CENPP: variants seen among roughly 807,000 people sequenced by gnomAD.
CENPP encodes centromere protein P.
A neutral mutation model predicts 35.6 loss-of-function variants in CENPP; 24 were observed. The observed-to-expected ratio is 0.67, with a 90% CI of 0.49 to 0.95. CENPP has a LOEUF of 0.95. CENPP is among the 40% of genes least tolerant of loss of function. CENPP has a pLI of 0.00. For missense variants in CENPP, 332 were observed against 345.3 expected (o/e 0.96, Z 0.31); for synonymous variants, 120 against 125.5 (o/e 0.96, Z 0.29).
At chr9:92,518,176 C>G (rs1195736413) in intron 5 of CENPP, among the ~76,000 whole-genome samples, 2 of 152,180 alleles carry the variant, frequency 1.3e-5, no homozygotes, top group African/African-American at 4.8e-5. Flanking sequence ...CATCAACAAA[C>G]AATCCCCAAA....
intron 5 of CENPP, among the ~76,000 whole-genome samples, chr9:92,451,712 G>A (rs1353319709): frequency 6.7e-6 from 1 of 149,630 alleles, no homozygotes; most frequent in Non-Finnish European, 1.5e-5. Context: ...TCACGATATT[G>A]ATTCTTCCTA....
At chr9:92,471,562 A>G (rs979074827) in intron 5 of CENPP, among the ~76,000 whole-genome samples, 11 of 152,042 alleles carry the variant, frequency 7.2e-5, no homozygotes, top group African/African-American at 2.7e-4. Flanking sequence ...GATTTTTTTC[A>G]TGTATATTAC....
intron 3 of CENPP, among the ~76,000 whole-genome samples, chr9:92,343,430 G>T (rs1841182077): frequency 6.6e-6 from 1 of 152,220 alleles, no homozygotes; most frequent in Admixed American, 6.5e-5. Context: ...TAGTCAATTA[G>T]ATTGGTAGGA....
At chr9:92,395,686 C>G (rs1199402960) in intron 5 of CENPP, among the ~76,000 whole-genome samples, 3 of 152,112 alleles carry the variant, frequency 2.0e-5, no homozygotes, top group Admixed American at 2.0e-4. Context: ...TATGGTCAGT[C>G]TTTTTAATTT....
chr9:92,404,624 G>A, intron 5 of CENPP: 1 of 1,281,642 alleles, frequency 7.8e-7, no homozygotes, highest in Non-Finnish European at 1.0e-6. Flanking sequence ...AAAATTTCAG[G>A]GCCCAGCAGC....
chr9:92,618,717 T>C lies in CENPP; in HGVS notation c.*5568T>C, dbSNP rs935942959. 1 of 368,386 alleles carries C rather than the reference T, an allele frequency of 2.7e-6. No individual in the cohort carries two copies. The highest frequency in any genetic ancestry group is 5.4e-6 in the Non-Finnish European group (1 of 185,656). The allele number at this position is 368,386 out of a possible 1,614,324, so 22.8% of individuals were successfully genotyped here. A position where few individuals can be genotyped will look rare whatever the true frequency, so the allele number is the denominator to read the frequency against. On this transcript the variant is annotated 3_prime_UTR_variant, in exon 8 of 8. Coordinates refer to ENST00000375587, the MANE Select transcript of CENPP (RefSeq NM_001012267.3). ...CCCTATAATGTTCCTCAGTATTTCA[T>C]ATTGGAAAGTAAACAATTCTGTGCC...
At chr9:92,346,638 T>A (rs1841302736) in intron 4 of CENPP, among the ~76,000 whole-genome samples, 1 of 152,168 alleles carries the variant, frequency 6.6e-6, no homozygotes, top group Non-Finnish European at 1.5e-5. Context: ...CTAGAAAGAA[T>A]TATTCTGGAT....
intron 2 of CENPP, among the ~76,000 whole-genome samples, chr9:92,337,084 G>A (rs1170864268): frequency 2.0e-5 from 3 of 152,208 alleles, no homozygotes; most frequent in Non-Finnish European, 2.9e-5. Context: ...TTGGGAGGCC[G>A]AGGTGGGTGG....
chr9:92,545,680 G>A (rs1435413291), intron 5 of CENPP, among the ~76,000 whole-genome samples: 1 of 152,228 alleles, frequency 6.6e-6, no homozygotes, highest in Non-Finnish European at 1.5e-5. Flanking sequence ...CCTGGTGCGG[G>A]ATCCACTGGG....
intron 1 of CENPP, among the ~76,000 whole-genome samples, chr9:92,329,653 C>G (rs1215898105): frequency 6.6e-6 from 1 of 152,150 alleles, no homozygotes; most frequent in Non-Finnish European, 1.5e-5. Context: ...ATCGTCCTGC[C>G]TCAGCGACCC....
intron 5 of CENPP, among the ~76,000 whole-genome samples, chr9:92,447,026 C>G (rs1022210827): frequency 1.3e-5 from 2 of 152,004 alleles, no homozygotes; most frequent in African/African-American, 4.8e-5. Context: ...CTAAATGTTT[C>G]AAAACAAAGG....
chr9:92,395,540 G>A (rs1380926392), intron 5 of CENPP, among the ~76,000 whole-genome samples: 1 of 152,130 alleles, frequency 6.6e-6, no homozygotes, highest in Non-Finnish European at 1.5e-5. Flanking sequence ...GAGTGGAATG[G>A]CTGGGTCTTT....
At chr9:92,363,228 C>CAT (rs1033922989) in intron 4 of CENPP, among the ~76,000 whole-genome samples, 2 of 42,280 alleles carry the variant, frequency 4.7e-5, no homozygotes, top group African/African-American at 1.1e-4. Flanking sequence ...TGTATTTATA[C>CAT]ATATATACAC....
chr9:92,541,282 T>A (rs1330554711), intron 5 of CENPP, among the ~76,000 whole-genome samples: 1 of 151,650 alleles, frequency 6.6e-6, no homozygotes, highest in Non-Finnish European at 1.5e-5. Context: ...ATAAAAATTA[T>A]CATCTCAAAT....
intron 5 of CENPP, among the ~76,000 whole-genome samples, chr9:92,458,542 C>T (rs1438818382): frequency 6.6e-6 from 1 of 152,160 alleles, no homozygotes; most frequent in Non-Finnish European, 1.5e-5. Context: ...GAATGAAAAC[C>T]TGCTGGACAT....
chr9:92,369,251 A>G (rs1278607298), intron 4 of CENPP, among the ~76,000 whole-genome samples: 2 of 152,190 alleles, frequency 1.3e-5, no homozygotes. Flanking sequence ...TCTATGGGCA[A>G]GAGCTTTTAT....
At chr9:92,352,467 C>CTGTGTGTGTGTGTGTGTGTG (rs61233585) in intron 4 of CENPP, among the ~76,000 whole-genome samples, 1 of 71,380 alleles carries the variant, frequency 1.4e-5, no homozygotes, top group Non-Finnish European at 2.4e-5. Flanking sequence ...TGCTTAAAGC[C>CTGTGTGTGTGTGTGTGTGTG]TGTGTGTGTG....
At chr9:92,388,930 G>A (rs966059197) in intron 5 of CENPP, among the ~76,000 whole-genome samples, 15 of 151,238 alleles carry the variant, frequency 9.9e-5, no homozygotes, top group African/African-American at 3.6e-4. Flanking sequence ...GAGCTCTGAT[G>A]TAACTTTAAA....
chr9:92,386,937 A>G (rs1221505116), intron 5 of CENPP, among the ~76,000 whole-genome samples: 2 of 150,662 alleles, frequency 1.3e-5, no homozygotes, highest in Non-Finnish European at 2.9e-5. Flanking sequence ...AGTCCCAGCT[A>G]CTCGGGAGGC....
Sources: gnomAD v4.1 joint callset for allele counts (sites outside exome capture counted in the v4.1 genomes callset) on GRCh38, gnomAD v4.1.1 for gene constraint, MANE v1.5 for transcripts, NCBI Gene and HGNC (gene_info 2026-07-23, HGNC 2026-07-21) for gene names.